The following DYSF variants were observed in gnomAD, a reference collection of about 807,000 sequenced individuals.
DYSF encodes the protein dysferlin, also known as dystrophy-associated fer-1-like 1.
DYSF carries 212 observed loss-of-function variants against 274.9 expected under a neutral mutation model. That is an observed-to-expected ratio of 0.77 (90% CI 0.69 to 0.86). The LOEUF is 0.86. Ranked by LOEUF, DYSF falls within the 40% of genes least tolerant of loss-of-function variation. The pLI, the probability that DYSF is intolerant of heterozygous loss-of-function variation, is 0.00. For synonymous variants in DYSF, 1,091 were observed against 1,078.7 expected (o/e 1.01, Z -0.22); for missense variants, 2,666 against 2,783.2 (o/e 0.96, Z 0.95).
chr2:71,611,071 C>T lies in DYSF; in HGVS notation c.3958-174C>T, dbSNP rs985258368. On this transcript the variant is annotated intron_variant, in intron 36 of 55. Transcript: ENST00000410020. ...GATCCTGGAGAAGATGATGCCTGGC[C>T]GAAACTGACTTAGCTTTTTCGTTTC... Among the ~76,000 whole-genome samples the T allele has an allele frequency of 7.2e-5, 11 of 152,116 alleles. No homozygotes were observed. In the East Asian group the frequency reaches 1.2e-3, roughly 16 times the overall value.
In DYSF at chr2:71,686,617, A is replaced by G; in HGVS notation, c.*125A>G. ...GCCTGATTGTCCTGCCAGGGTGGGC[A>G]GACAGACAGATGGACCGGCCCACAC... On this transcript the variant is annotated 3_prime_UTR_variant, in exon 56 of 56. Coordinates refer to ENST00000410020, the MANE Select transcript of DYSF (RefSeq NM_001130987.2). 1.7e-6 allele frequency: 2 copies of G among 1,153,424 alleles called. No homozygotes were observed. The highest frequency in any genetic ancestry group is 1.3e-6 in the Non-Finnish European group (1 of 771,656). 71.4% of individuals were successfully genotyped at this position (1,153,424 alleles called of 1,614,324 possible).
At chr2:71,654,373 T>A (rs2094726410) in intron 42 of DYSF, among the ~76,000 whole-genome samples, 1 of 152,216 alleles carries the variant, frequency 6.6e-6, no homozygotes. Flanking sequence ...ATGTGCATAC[T>A]CCTTGTCCAG....
At chr2:71,503,124 C>G (rs925624507) in intron 3 of DYSF, 90 bp from the exon 4 acceptor site, 1 of 1,179,542 alleles carries the variant, frequency 8.5e-7, no homozygotes. Flanking sequence ...GGCAGACCAG[C>G]CTCATCTGAG....
At chr2:71,673,229 G>T (rs79470277) in intron 51 of DYSF, among the ~76,000 whole-genome samples, 4 of 152,164 alleles carry the variant, frequency 2.6e-5, no homozygotes, top group Non-Finnish European at 5.9e-5. Context: ...ACAAGACTGC[G>T]CTGGAAAGCC....
chr2:71,564,148 T>C lies in DYSF; in HGVS notation c.2500T>C (p.Phe834Leu), dbSNP rs533708441. The C allele has an allele frequency of 7.4e-6, 12 of 1,614,272 alleles. No homozygotes were observed. The African/African-American group carries it at 1.5e-4, about 20-fold the overall frequency. ...YQRVPAHQVL[F>L]SRRGANYCGK... ...GCGGGTGCCCGCCCACCAAGTCCTCTTCTCCCGGCGGGGTGCCAACTACTG... is the reference window on the plus strand; with the variant it reads ...GCGGGTGCCCGCCCACCAAGTCCTCCTCTCCCGGCGGGGTGCCAACTACTG... The change falls in exon 24 of 56, where the codon TTC becomes CTC. Residue 834 changes from phenylalanine (F) to leucine (L), a missense_variant. Physicochemically the swap from Phe to Leu is conservative, Grantham distance 22. Transcript: ENST00000410020.
Position 71,569,866 on chromosome 2 carries a change from G to C in DYSF, c.2911G>C (p.Val971Leu). ...CGGTCACCTGAGCTTCGTGGAAGAG[G>C]TGTTTGAGAACCAGACCCGGCTTCC... ...DAGHLSFVEE[V>L]FENQTRLPGG... Residue 971 changes from valine (V) to leucine (L), a missense_variant, in exon 27 of 56, where the codon GTG (valine) becomes CTG (leucine). Physicochemically the swap from Val to Leu is conservative, Grantham distance 32. Transcript: ENST00000410020. 2 of 1,614,192 alleles carry C rather than the reference G, an allele frequency of 1.2e-6. No individual in the cohort carries two copies. Among genetic ancestry groups the C allele is most frequent in the Non-Finnish European group, 1.7e-6 (2 of 1,180,042 alleles).
chr2:71,568,606 G>A (rs1047939141), intron 26 of DYSF, among the ~76,000 whole-genome samples: 1 of 151,846 alleles, frequency 6.6e-6, no homozygotes, highest in Non-Finnish European at 1.5e-5. Flanking sequence ...CTGTTTGGAG[G>A]CTGGAGTGCA....
chr2:71,519,811 G>GTTTTTTTTTTTTTTTTTTTTTTTTTTT (rs70959241), intron 10 of DYSF, among the ~76,000 whole-genome samples: 1 of 102,286 alleles, frequency 9.8e-6, no homozygotes, highest in Non-Finnish European at 1.9e-5. Flanking sequence ...CACCCGGCTA[G>GTTTTTTTTTTTTTTTTTTTTTTTTTTT]TTTTTTTTTT....
At chr2:71,516,878 G>T in intron 9 of DYSF, 111 bp from the exon 10 acceptor site, 1 of 969,826 alleles carries the variant, frequency 1.0e-6, no homozygotes, top group South Asian at 1.3e-5. Context: ...CTCTGGAATT[G>T]AGTAAGTGTG....
intron 55 of DYSF, among the ~76,000 whole-genome samples, chr2:71,684,316 G>C (rs1377326921): frequency 1.3e-5 from 2 of 152,228 alleles, no homozygotes; most frequent in African/African-American, 4.8e-5. Context: ...GAGATCCGGG[G>C]TCAGGCCCCA....
chr2:71,483,703 C>A (rs1048414061), intron 3 of DYSF, among the ~76,000 whole-genome samples: 2 of 152,130 alleles, frequency 1.3e-5, no homozygotes, highest in Non-Finnish European at 2.9e-5. Flanking sequence ...CAGTTAGGCA[C>A]GACTATTGTA....
At chr2:71,526,421 C>CCTTGGGG in intron 13 of DYSF, 75 bp downstream of exon 13, 6 of 272,070 alleles carry the variant, frequency 2.2e-5, no homozygotes, top group Non-Finnish European at 4.0e-5. Context: ...TGGGCGATGG[C>CCTTGGGG]GGGCGGGGTC....
intron 30 of DYSF, among the ~76,000 whole-genome samples, chr2:71,579,485 G>A (rs115398625): frequency 0.011 from 1,663 of 152,298 alleles, 13 homozygotes; most frequent in Non-Finnish European, 0.019. Context: ...GTGTACGCAC[G>A]CATGTATGAT....
intron 3 of DYSF, among the ~76,000 whole-genome samples, chr2:71,495,752 C>T (rs1401944632): frequency 6.6e-6 from 1 of 152,092 alleles, no homozygotes; most frequent in East Asian, 2.0e-4. Context: ...CCACATTCTT[C>T]AGCTTAAACC....
intron 36 of DYSF, among the ~76,000 whole-genome samples, chr2:71,608,211 G>A (rs921384099): frequency 3.3e-5 from 5 of 152,128 alleles, no homozygotes; most frequent in East Asian, 1.9e-4. Flanking sequence ...GAGAGGTAGT[G>A]GATGGAGACA....
intron 32 of DYSF, among the ~76,000 whole-genome samples, chr2:71,592,370 C>T (rs1175765718): frequency 1.3e-5 from 2 of 152,096 alleles, no homozygotes; most frequent in African/African-American, 4.8e-5. Context: ...TTTGAGGGCA[C>T]TGCCCAGGGC....
At chr2:71,467,961 TA>T (rs1472556750) in intron 1 of DYSF, among the ~76,000 whole-genome samples, 3 of 152,204 alleles carry the variant, frequency 2.0e-5, no homozygotes, top group African/African-American at 7.2e-5. Context: ...ACCCCCAAGA[TA>T]ATGATAGATG....
At chr2:71,589,813 T>G (rs916351066) in intron 31 of DYSF, 127 bp downstream of exon 31, 12 of 948,484 alleles carry the variant, frequency 1.3e-5, no homozygotes, top group Admixed American at 5.2e-5. Flanking sequence ...TGCTTTTTGG[T>G]GGGTCAGTGC....
chr2:71,590,072 CA>C (rs2093213371), intron 31 of DYSF, 138 bp from the exon 32 acceptor site: 1 of 824,032 alleles, frequency 1.2e-6, no homozygotes, highest in African/African-American at 1.7e-5. Flanking sequence ...TGACCTCGCA[CA>C]GTGGCCTGTG....
Sources: gnomAD v4.1 joint callset for allele counts (sites outside exome capture counted in the v4.1 genomes callset) on GRCh38, gnomAD v4.1.1 for gene constraint, MANE v1.5 for transcripts, NCBI Gene and HGNC (gene_info 2026-07-23, HGNC 2026-07-21) for gene names.